Variants in OR51B5 observed in about 807,000 individuals in gnomAD.
OR51B5 encodes olfactory receptor 51B5.
For missense variants in OR51B5, 456 were observed against 374.6 expected (o/e 1.22, Z -1.79); for synonymous variants, 186 against 144.8 (o/e 1.28, Z -2.04).
At chr11:5,364,400 GTGATGTGT>G (rs1849335264) in intron 1 of OR51B5, among the ~76,000 whole-genome samples, 3 of 152,114 alleles carry the variant, frequency 2.0e-5, no homozygotes, top group Non-Finnish European at 4.4e-5. Context: ...TAGGAGCTAT[GTGATGTGT>G]CATTTCTGTG....
In OR51B5 at chr11:5,489,503, G is replaced by T. The variant is rs141223462; in HGVS notation, n.84+16066C>A. ...GCCTTCTTCTCCTTCCTCACCCACC[G>T]CTTTGGTCACCACGAAGTCCCCAAG... is the stretch of plus-strand genomic sequence containing the variant. On this transcript the variant is annotated intron_variant and non_coding_transcript_variant, in intron 1 of 4. Transcript: ENST00000415970. The T allele has an allele frequency of 2.5e-6, 4 of 1,613,892 alleles. No homozygotes were observed. The East Asian group carries it at 6.7e-5, about 27-fold the overall frequency.
At chr11:5,342,527 C>A, downstream of OR51B5, 1 of 1,516,684 alleles carries the variant, frequency 6.6e-7, no homozygotes, top group Non-Finnish European at 8.8e-7. Context: ...GACTTCTTTG[C>A]TCTCCTGCTA....
intron 1 of OR51B5, chr11:5,389,493 T>C: frequency 6.2e-7 from 1 of 1,614,038 alleles, no homozygotes; most frequent in Non-Finnish European, 8.5e-7. Flanking sequence ...TTTCCTGGAT[T>C]GGAAGGCATC....
intron 1 of OR51B5, among the ~76,000 whole-genome samples, chr11:5,445,516 C>G (rs933442564): frequency 2.0e-5 from 3 of 151,952 alleles, no homozygotes; most frequent in Non-Finnish European, 4.4e-5. Context: ...TTTTGAGCAA[C>G]ATTTTAGTCT....
chr11:5,387,280 C>CA (rs1397461131), intron 1 of OR51B5, among the ~76,000 whole-genome samples: 15 of 151,982 alleles, frequency 9.9e-5, no homozygotes, highest in South Asian at 8.3e-4. Flanking sequence ...AACTATTGCA[C>CA]AAAAAAATCA....
At chr11:5,501,926 A>AC (rs1447663011) in intron 1 of OR51B5, among the ~76,000 whole-genome samples, 1 of 120,236 alleles carries the variant, frequency 8.3e-6, no homozygotes, top group African/African-American at 2.6e-5. Context: ...AGCGCCCCCA[A>AC]CCCCCGACAG....
intron 1 of OR51B5, among the ~76,000 whole-genome samples, chr11:5,389,079 C>T (rs1849748643): frequency 6.6e-6 from 1 of 151,978 alleles, no homozygotes; most frequent in Admixed American, 6.6e-5. Flanking sequence ...TAGTGGATGA[C>T]ATTAAGAAGA....
chr11:5,446,470 A>C (rs976504452), intron 1 of OR51B5, among the ~76,000 whole-genome samples: 10 of 152,206 alleles, frequency 6.6e-5, no homozygotes, highest in Admixed American at 6.5e-4. Flanking sequence ...GACATAGTCT[A>C]TTATGCCATG....
chr11:5,492,233 A>C (rs536484812), intron 1 of OR51B5, among the ~76,000 whole-genome samples: 10 of 151,904 alleles, frequency 6.6e-5, no homozygotes, highest in Middle Eastern at 3.4e-3. Context: ...TCACAAAATA[A>C]ACACACACAC....
chr11:5,350,603 C>A (rs565907100), intron 1 of OR51B5, among the ~76,000 whole-genome samples: 1 of 152,124 alleles, frequency 6.6e-6, no homozygotes, highest in Non-Finnish European at 1.5e-5. Flanking sequence ...AAAAAAAATT[C>A]TCCTTGATCT....
At chr11:5,390,466 C>T (rs1589970523) in intron 1 of OR51B5, 2 of 1,196,268 alleles carry the variant, frequency 1.7e-6, no homozygotes, top group Non-Finnish European at 2.3e-6. Flanking sequence ...ATAGCATGCT[C>T]TTAAAGATTT....
intron 1 of OR51B5, among the ~76,000 whole-genome samples, chr11:5,381,954 C>G (rs1442296867): frequency 6.6e-6 from 1 of 152,196 alleles, no homozygotes; most frequent in Non-Finnish European, 1.5e-5. Context: ...ACGTAAAAAG[C>G]TGTCAATTAC....
intron 1 of OR51B5, among the ~76,000 whole-genome samples, chr11:5,429,966 C>T (rs1384781111): frequency 6.6e-6 from 1 of 152,106 alleles, no homozygotes; most frequent in African/African-American, 2.4e-5. Flanking sequence ...CTCAGAGTGT[C>T]GGTACATAAA....
chr11:5,453,222 G>A (rs1003367486), intron 1 of OR51B5: 1 of 302,414 alleles, frequency 3.3e-6, no homozygotes, highest in African/African-American at 2.2e-5. Flanking sequence ...TTCTATTATT[G>A]AAGTATTTGT....
At chr11:5,358,925 C>T (rs1849236171) in intron 1 of OR51B5, among the ~76,000 whole-genome samples, 1 of 151,584 alleles carries the variant, frequency 6.6e-6, no homozygotes, top group African/African-American at 2.4e-5. Context: ...CAGAAAAGGC[C>T]TTTGACAAAA....
chr11:5,414,490 A>T (rs997431495), intron 1 of OR51B5, among the ~76,000 whole-genome samples: 8 of 152,062 alleles, frequency 5.3e-5, no homozygotes, highest in Non-Finnish European at 1.2e-4. Context: ...AGACTGGCAA[A>T]TTGGATAAAG....
At chr11:5,376,273 A>G (rs1188421313) in intron 1 of OR51B5, among the ~76,000 whole-genome samples, 1 of 152,178 alleles carries the variant, frequency 6.6e-6, no homozygotes, top group Non-Finnish European at 1.5e-5. Context: ...ATGAGAACAA[A>G]GACACAACAT....
chr11:5,399,427 G>A (rs1849933497), intron 1 of OR51B5, among the ~76,000 whole-genome samples: 1 of 152,180 alleles, frequency 6.6e-6, no homozygotes, highest in Non-Finnish European at 1.5e-5. Context: ...GCCAGTCCCT[G>A]AGGTAAGTAT....
intron 1 of OR51B5, among the ~76,000 whole-genome samples, chr11:5,402,026 CCTTTT>C (rs1249341895): frequency 1.4e-5 from 2 of 138,304 alleles, no homozygotes; most frequent in African/African-American, 2.6e-5. Context: ...CTTTTCTCTT[CCTTTT>C]TCTTTTGTCT....
Sources: gnomAD v4.1 joint callset for allele counts (sites outside exome capture counted in the v4.1 genomes callset) on GRCh38, gnomAD v4.1.1 for gene constraint, MANE v1.5 for transcripts, NCBI Gene and HGNC (gene_info 2026-07-23, HGNC 2026-07-21) for gene names.